The following CFAP299 variants were observed in gnomAD, a reference collection of about 807,000 sequenced individuals.
CFAP299 encodes cilia and flagella associated protein 299.
In CFAP299, 21 loss-of-function variants were observed where a neutral mutation model predicts 27.0. That is an observed-to-expected ratio of 0.78 (90% CI 0.55 to 1.12). The LOEUF (loss-of-function observed/expected upper bound fraction) is 1.12. CFAP299 is among the 50% of genes most tolerant of loss of function. The pLI, the probability that CFAP299 is intolerant of heterozygous loss-of-function variation, is 0.00. For synonymous variants in CFAP299, 104 were observed against 98.1 expected (o/e 1.06, Z -0.36); for missense variants, 310 against 276.6 (o/e 1.12, Z -0.86).
chr4:80,591,345 G>C (rs970167285), intron 3 of CFAP299, among the ~76,000 whole-genome samples: 1 of 151,406 alleles, frequency 6.6e-6, no homozygotes, highest in Non-Finnish European at 1.5e-5. Context: ...GGATGGTCTC[G>C]ATCTCCTGAC....
At chr4:80,582,663 A>G (rs1736230925) in intron 2 of CFAP299, among the ~76,000 whole-genome samples, 1 of 151,842 alleles carries the variant, frequency 6.6e-6, no homozygotes, top group African/African-American at 2.4e-5. Flanking sequence ...ATCTCTACTC[A>G]TAGAGCTAAA....
rs1256944071 is a variant in CFAP299, at chr4:80,784,275, A to AT, written c.334-85713dup. 3.3e-5 allele frequency among the ~76,000 whole-genome samples: 5 copies of AT among 152,102 alleles called. No homozygotes were observed. The East Asian group carries it at 9.7e-4, about 29-fold the overall frequency. On this transcript the variant is annotated intron_variant, in intron 3 of 5. Transcript: ENST00000358105. ...GATTGCTGGGTCATACAGTAGTTCC[A>AT]TTTTTAATTTTCACAGAACTCAATC...
At chr4:80,854,926 T>C (rs945925421) in intron 3 of CFAP299, among the ~76,000 whole-genome samples, 10 of 150,304 alleles carry the variant, frequency 6.7e-5, no homozygotes, top group African/African-American at 2.4e-4. Context: ...GCTAAACAAC[T>C]GAACAATTCT....
chr4:80,783,219 T>C (rs1001045278), intron 3 of CFAP299, among the ~76,000 whole-genome samples: 1 of 152,072 alleles, frequency 6.6e-6, no homozygotes, highest in African/African-American at 2.4e-5. Context: ...AAAAATAAAG[T>C]AAGACAGAAG....
chr4:80,679,598 T>A lies in CFAP299; in HGVS notation c.333+96415T>A, dbSNP rs920347862. Among the ~76,000 whole-genome samples, 58 of 151,780 alleles carry A rather than the reference T, an allele frequency of 3.8e-4. 1 individual carries two copies. Among genetic ancestry groups the A allele is most frequent in the African/African-American group, 1.1e-3 (45 of 41,474 alleles). On this transcript the variant is annotated intron_variant, in intron 3 of 5. Coordinates refer to ENST00000358105, the MANE Select transcript of CFAP299 (RefSeq NM_152770.3). The stretch of plus-strand genomic sequence containing the variant: ...CTAGTATTTAATATTATCACTTTTT[T>A]AAAAAAAATGGCTACTAATAGGTGT...
At chr4:80,692,157 C>T (rs1318645605) in intron 3 of CFAP299, among the ~76,000 whole-genome samples, 1 of 152,180 alleles carries the variant, frequency 6.6e-6, no homozygotes, top group East Asian at 1.9e-4. Flanking sequence ...CCCCATCAAG[C>T]TACCAAGGAC....
intron 2 of CFAP299, among the ~76,000 whole-genome samples, chr4:80,398,845 C>T (rs1028520752): frequency 2.0e-5 from 3 of 152,144 alleles, no homozygotes; most frequent in Non-Finnish European, 2.9e-5. Flanking sequence ...CAAATGGGAT[C>T]TAATGAAACG....
At chr4:80,391,071 A>G (rs1725455991) in intron 2 of CFAP299, among the ~76,000 whole-genome samples, 1 of 151,874 alleles carries the variant, frequency 6.6e-6, no homozygotes, top group Non-Finnish European at 1.5e-5. Context: ...ATATACATAT[A>G]CACATATATA....
intron 2 of CFAP299, among the ~76,000 whole-genome samples, chr4:80,553,172 A>G (rs1351536103): frequency 2.0e-5 from 3 of 151,876 alleles, no homozygotes; most frequent in Non-Finnish European, 2.9e-5. Context: ...CCTCAAGTAG[A>G]CCCCAGTGTC....
At chr4:80,506,037 G>A (rs1356966799) in intron 2 of CFAP299, among the ~76,000 whole-genome samples, 1 of 150,884 alleles carries the variant, frequency 6.6e-6, no homozygotes, top group Non-Finnish European at 1.5e-5. Flanking sequence ...AATAATAACT[G>A]GCAATTTATG....
chr4:80,346,052 G>T (rs1180256259), intron 1 of CFAP299, among the ~76,000 whole-genome samples: 1 of 152,158 alleles, frequency 6.6e-6, no homozygotes, highest in Admixed American at 6.5e-5. Flanking sequence ...TCATGTGTCT[G>T]TTGGCTGCAT....
chr4:80,357,969 G>A (rs1381628763), intron 1 of CFAP299, among the ~76,000 whole-genome samples: 2 of 151,970 alleles, frequency 1.3e-5, no homozygotes, highest in African/African-American at 4.8e-5. Flanking sequence ...TTTGATATGG[G>A]CATTTAGTGC....
chr4:80,776,405 A>G (rs548023678), intron 3 of CFAP299, among the ~76,000 whole-genome samples: 1 of 152,214 alleles, frequency 6.6e-6, no homozygotes, highest in South Asian at 2.1e-4. Flanking sequence ...CGTGTCAGGA[A>G]TTAATACTGT....
intron 3 of CFAP299, among the ~76,000 whole-genome samples, chr4:80,725,111 A>ATTTTTTTTT (rs70956062): frequency 6.1e-4 from 54 of 88,536 alleles, no homozygotes; most frequent in East Asian, 2.5e-3. Flanking sequence ...TGCCTGGCCA[A>ATTTTTTTTT]TTTTTTTTTT....
At chr4:80,658,113 A>G (rs1219359648) in intron 3 of CFAP299, among the ~76,000 whole-genome samples, 1 of 152,174 alleles carries the variant, frequency 6.6e-6, no homozygotes, top group African/African-American at 2.4e-5. Context: ...GTTGCTTATC[A>G]GCTTAAGGAG....
At chr4:80,909,307 A>T (rs1288797203) in intron 4 of CFAP299, among the ~76,000 whole-genome samples, 1 of 152,072 alleles carries the variant, frequency 6.6e-6, no homozygotes, top group Middle Eastern at 3.2e-3. Flanking sequence ...AGAAGAGTTT[A>T]TTCAGAGATC....
At chr4:80,828,110 C>T (rs140136943) in intron 3 of CFAP299, among the ~76,000 whole-genome samples, 23 of 151,878 alleles carry the variant, frequency 1.5e-4, no homozygotes, top group Non-Finnish European at 2.5e-4. Context: ...ATAAAATGTT[C>T]GTATTATGGA....
chr4:80,839,649 A>G (rs1038258877), intron 3 of CFAP299, among the ~76,000 whole-genome samples: 2 of 152,068 alleles, frequency 1.3e-5, no homozygotes, highest in Admixed American at 1.3e-4. Flanking sequence ...AAAAAGGTAA[A>G]TTCCTCATAA....
At chr4:80,393,884 A>G (rs1725631569) in intron 2 of CFAP299, among the ~76,000 whole-genome samples, 1 of 151,948 alleles carries the variant, frequency 6.6e-6, no homozygotes, top group Non-Finnish European at 1.5e-5. Flanking sequence ...CATAATCCCC[A>G]CGTGTCAAGA....
Sources: gnomAD v4.1 joint callset for allele counts (sites outside exome capture counted in the v4.1 genomes callset) on GRCh38, gnomAD v4.1.1 for gene constraint, MANE v1.5 for transcripts, NCBI Gene and HGNC (gene_info 2026-07-23, HGNC 2026-07-21) for gene names.